THAP12: variants seen among roughly 807,000 people sequenced by gnomAD.
THAP12 encodes 52 kDa repressor of the inhibitor of the protein kinase.
A neutral mutation model predicts 63.0 loss-of-function variants in THAP12; 20 were observed. The ratio of observed to expected loss-of-function variants is 0.32; its 90% CI spans 0.22 to 0.46. The LOEUF (loss-of-function observed/expected upper bound fraction) is 0.46, where lower values mean the gene tolerates loss of function less well. THAP12 is among the 20% of genes least tolerant of loss of function. THAP12 has a pLI of 1.00. For synonymous variants in THAP12, 264 were observed against 328.4 expected (o/e 0.80, Z 2.12); for missense variants, 568 against 908.2 (o/e 0.63, Z 4.81).
chr11:76,352,702 C>A lies in THAP12; in HGVS notation c.448G>T (p.Glu150Ter). The A allele has an allele frequency of 6.2e-7, 1 of 1,612,986 alleles. No homozygotes were observed. Among genetic ancestry groups the A allele is most frequent in the Non-Finnish European group, 8.5e-7 (1 of 1,179,684 alleles). ...PSEEEGEGQD[E>*]DILPLTLEEK... ...TCAAGGGTTAGAGGTAAAATGTCCT[C>A]ATCTTGCCCTTCACCCTCTTCTTCG... The change falls in exon 5 of 5, where the codon GAG becomes TAG. Residue 150 changes from glutamate to a stop codon, truncating the protein, a stop_gained. Transcript: ENST00000260045. LOFTEE classifies it high-confidence loss of function.
intron 4 of THAP12, among the ~76,000 whole-genome samples, chr11:76,355,004 G>T (rs1158762172): frequency 3.3e-5 from 5 of 151,500 alleles, no homozygotes; most frequent in Non-Finnish European, 7.4e-5. Flanking sequence ...ATTAATACAA[G>T]TAAAGCACTT....
intron 1 of THAP12, among the ~76,000 whole-genome samples, 190 bp downstream of exon 1, chr11:76,380,558 C>T (rs1946748017): frequency 6.6e-6 from 1 of 152,154 alleles, no homozygotes; most frequent in South Asian, 2.1e-4. Flanking sequence ...CTCCGAGGTC[C>T]CCGGACGCCC....
chr11:76,379,152 C>T (rs894674832), intron 1 of THAP12, among the ~76,000 whole-genome samples: 1 of 152,120 alleles, frequency 6.6e-6, no homozygotes, highest in Admixed American at 6.5e-5. Context: ...ATCTTGAAGT[C>T]GTCCTTAAGT....
At position 76,381,031 on chromosome 11, in the gene THAP12, C is replaced by T; in HGVS notation, c.-195G>A. On this transcript the variant is annotated 5_prime_UTR_variant, in exon 1 of 5. Coordinates refer to ENST00000260045, the MANE Select transcript of THAP12 (RefSeq NM_004705.4). ...GCGGTCCGAGGCCGGGCTGGGGACG[C>T]GGCTCCACAGTGCTGTGAGCGGCCG... 4.3e-6 allele frequency: 1 copy of T among 234,492 alleles called. No homozygotes were observed. Among genetic ancestry groups the T allele is most frequent in the Non-Finnish European group, 8.1e-6 (1 of 124,052 alleles). 14.5% of individuals were successfully genotyped at this position (234,492 alleles called of 1,614,324 possible). A position where few individuals can be genotyped will look rare whatever the true frequency, so the allele number is the denominator to read the frequency against.
At chr11:76,369,481 C>G (rs1946655486) in intron 1 of THAP12, among the ~76,000 whole-genome samples, 1 of 152,370 alleles carries the variant, frequency 6.6e-6, no homozygotes, top group South Asian at 2.1e-4. Flanking sequence ...ACACAGCAGA[C>G]CTCAGGCTGC....
intron 4 of THAP12, among the ~76,000 whole-genome samples, chr11:76,354,573 A>G (rs959310631): frequency 7.2e-5 from 11 of 152,176 alleles, no homozygotes; most frequent in African/African-American, 2.7e-4. Context: ...CCTTGAATCT[A>G]TTCCCTTTAC....
At chr11:76,369,166 GGAAAT>G in intron 1 of THAP12, among the ~76,000 whole-genome samples, 1 of 152,156 alleles carries the variant, frequency 6.6e-6, no homozygotes, top group Non-Finnish European at 1.5e-5. Flanking sequence ...TTGCCATCAG[GGAAAT>G]GCTAATTAAA....
At chr11:76,361,727 T>C (rs1946598867) in intron 2 of THAP12, among the ~76,000 whole-genome samples, 1 of 152,220 alleles carries the variant, frequency 6.6e-6, no homozygotes, top group Admixed American at 6.5e-5. Flanking sequence ...ACCATCTGTA[T>C]TTTTACACAA....
intron 3 of THAP12, chr11:76,356,618 T>C (rs1215616833): frequency 6.6e-6 from 1 of 152,252 alleles, no homozygotes; most frequent in Non-Finnish European, 1.5e-5. Context: ...ATCTTGAACA[T>C]GTACAGACTT....
At chr11:76,363,826 A>C (rs1186143494) in intron 2 of THAP12, among the ~76,000 whole-genome samples, 1 of 152,108 alleles carries the variant, frequency 6.6e-6, no homozygotes, top group African/African-American at 2.4e-5. Context: ...GGCTGGTCTC[A>C]AACTCCTGAC....
At chr11:76,377,126 ACC>A (rs1946717114) in intron 1 of THAP12, among the ~76,000 whole-genome samples, 1 of 152,180 alleles carries the variant, frequency 6.6e-6, no homozygotes, top group African/African-American at 2.4e-5. Context: ...CTTAACCCGT[ACC>A]ACGGTTTTAA....
intron 1 of THAP12, among the ~76,000 whole-genome samples, chr11:76,378,065 T>C (rs1946723840): frequency 6.6e-6 from 1 of 150,524 alleles, no homozygotes; most frequent in African/African-American, 2.4e-5. Flanking sequence ...AGTTTAATTT[T>C]GATGAAGTCC....
intron 2 of THAP12, 114 bp from the exon 3 acceptor site, chr11:76,361,177 T>C (rs1300081713): frequency 1.2e-5 from 8 of 660,008 alleles, no homozygotes; most frequent in Non-Finnish European, 2.0e-5. Flanking sequence ...CTCTAAAGTA[T>C]AGAGACTTAC....
chr11:76,364,775 A>T (rs1270144345), intron 2 of THAP12, among the ~76,000 whole-genome samples: 1 of 152,206 alleles, frequency 6.6e-6, no homozygotes, highest in African/African-American at 2.4e-5. Context: ...TACCTGGATA[A>T]TTTGTTTACC....
intron 1 of THAP12, 70 bp downstream of exon 1, chr11:76,380,678 A>G: frequency 1.7e-6 from 2 of 1,191,930 alleles, no homozygotes; most frequent in East Asian, 3.5e-5. Context: ...GGAGCCCGCC[A>G]GGGGCCGGCG....
chr11:76,376,916 T>C (rs891622031), intron 1 of THAP12, among the ~76,000 whole-genome samples: 1 of 152,108 alleles, frequency 6.6e-6, no homozygotes, highest in African/African-American at 2.4e-5. Context: ...AAGAATGTCT[T>C]TGGGCTAAAA....
chr11:76,378,544 G>T (rs952910681), intron 1 of THAP12, among the ~76,000 whole-genome samples: 3 of 151,674 alleles, frequency 2.0e-5, no homozygotes, highest in African/African-American at 4.8e-5. Context: ...CTCAATAAAA[G>T]TATAGGCCAT....
intron 1 of THAP12, among the ~76,000 whole-genome samples, chr11:76,369,882 G>A (rs987421960): frequency 6.6e-6 from 1 of 152,264 alleles, no homozygotes; most frequent in African/African-American, 2.4e-5. Flanking sequence ...GACTGTGCCT[G>A]TCTTTTTCCC....
In THAP12 at chr11:76,350,997, C is replaced by T. The variant is rs910919704; in HGVS notation, c.2153G>A (p.Ser718Asn). Residue 718 changes from serine to asparagine, a missense_variant, in exon 5 of 5, where the codon AGT (serine) becomes AAT (asparagine). By Grantham distance (46) the Ser-to-Asn change is conservative. Transcript: ENST00000260045. ...ATTTATGTTAAGCAAAGCCAAGTTA[C>T]TTGACCTTTGGTCTGTCAAAGTGTT... ...LRNTLTDQRS[S>N]NLALLNINFD... 5 of 1,611,648 alleles carry T rather than the reference C, an allele frequency of 3.1e-6. No individual in the cohort carries two copies. In the African/African-American group the frequency reaches 4.0e-5, roughly 13 times the overall value.
Sources: gnomAD v4.1 joint callset for allele counts (sites outside exome capture counted in the v4.1 genomes callset) on GRCh38, gnomAD v4.1.1 for gene constraint, MANE v1.5 for transcripts, NCBI Gene and HGNC (gene_info 2026-07-23, HGNC 2026-07-21) for gene names.